The following TLE3 variants were observed in gnomAD, a reference collection of about 807,000 sequenced individuals.
The protein encoded by TLE3 is transducin-like enhancer protein 3.
TLE3 carries 14 observed loss-of-function variants against 93.0 expected under a neutral mutation model. That is an observed-to-expected ratio of 0.15 (90% CI 0.10 to 0.24). The LOEUF is 0.24. Ranked by LOEUF, TLE3 falls within the 10% of genes least tolerant of loss-of-function variation. TLE3 has a pLI of 1.00. For synonymous variants in TLE3, 451 were observed against 425.0 expected (o/e 1.06, Z -0.75); for missense variants, 693 against 1,046.6 (o/e 0.66, Z 4.66).
chr15:70,057,926 A>G (rs2056190993), intron 12 of TLE3: 1 of 750,724 alleles, frequency 1.3e-6, no homozygotes, highest in Non-Finnish European at 2.1e-6. Context: ...AGGGGTGGGA[A>G]CAGATTTTGG....
chr15:70,069,635 C>T (rs1002839440), intron 6 of TLE3, among the ~76,000 whole-genome samples: 22 of 152,332 alleles, frequency 1.4e-4, no homozygotes, highest in African/African-American at 5.1e-4. Context: ...CAGCAAGGAC[C>T]GGTCCAGCAG....
chr15:70,050,072 T>C lies in TLE3; in HGVS notation c.*25A>G. 6.2e-7 allele frequency: 1 copy of C among 1,600,442 alleles called. No homozygotes were observed. Among genetic ancestry groups the C allele is most frequent in the Non-Finnish European group, 8.6e-7 (1 of 1,167,716 alleles). On this transcript the variant is annotated 3_prime_UTR_variant, in exon 20 of 20. Transcript: ENST00000451782. ...GAGCCGAGTCGGTTTCTCCCAGAGTTTGACAGCCCTGCTGGAGTTCTTGTT... is the reference window on the plus strand; with the variant it reads ...GAGCCGAGTCGGTTTCTCCCAGAGTCTGACAGCCCTGCTGGAGTTCTTGTT...
chr15:70,089,593 T>A (rs1275981322), intron 4 of TLE3, among the ~76,000 whole-genome samples: 2 of 152,140 alleles, frequency 1.3e-5, no homozygotes, highest in African/African-American at 2.4e-5. Flanking sequence ...AAAACCAAGA[T>A]GTTTACTGAG....
Position 70,058,064 on chromosome 15 carries a change from C to T in TLE3, c.1051+95G>A. ...GGCCCTGGGAGACACTGCCTGTGCT[C>T]TATCCCATGCGTGTGTGTCACCCCT... On this transcript the variant is annotated intron_variant, in intron 12 of 19. Transcript: ENST00000451782. The surrounding 1 kb of genome is among the most constrained non-coding windows in gnomAD (Gnocchi z 4.1). 4 of 1,574,520 alleles carry T rather than the reference C, an allele frequency of 2.5e-6. No individual in the cohort carries two copies. Among genetic ancestry groups the T allele is most frequent in the Non-Finnish European group, 1.7e-6 (2 of 1,156,240 alleles).
chr15:70,090,345 A>G (rs572494393), intron 4 of TLE3, among the ~76,000 whole-genome samples: 1 of 152,326 alleles, frequency 6.6e-6, no homozygotes, highest in Non-Finnish European at 1.5e-5. Context: ...AAAAGAAAAA[A>G]AAAATTTCAC....
chr15:70,078,181 CA>C (rs1364099160), intron 4 of TLE3, among the ~76,000 whole-genome samples: 4 of 152,174 alleles, frequency 2.6e-5, no homozygotes, highest in Admixed American at 6.5e-5. Flanking sequence ...CTCTCCCAAA[CA>C]GGGTCCTTCC....
intron 4 of TLE3, among the ~76,000 whole-genome samples, chr15:70,085,875 C>A (rs1329756309): frequency 1.3e-5 from 2 of 152,364 alleles, no homozygotes; most frequent in Non-Finnish European, 2.9e-5. Flanking sequence ...TTCTTCCTGT[C>A]TTTCCCCAGG....
At chr15:70,064,826 G>GT (rs1413835625) in intron 7 of TLE3, among the ~76,000 whole-genome samples, 2 of 151,694 alleles carry the variant, frequency 1.3e-5, no homozygotes, top group Non-Finnish European at 2.9e-5. Context: ...GCAGGCTAGG[G>GT]GTCTTAAGAT....
chr15:70,056,407 C>T, intron 13 of TLE3, 33 bp from the exon 14 acceptor site: 1 of 1,597,230 alleles, frequency 6.3e-7, no homozygotes, highest in Non-Finnish European at 8.6e-7. Context: ...CCTCCATCAG[C>T]CGTGCTGCCA....
At chr15:70,051,241 A>T (rs1050703132) in intron 19 of TLE3, 150 bp downstream of exon 19, 1 of 677,692 alleles carries the variant, frequency 1.5e-6, no homozygotes, top group African/African-American at 1.9e-5. Flanking sequence ...TTGCTCCCCT[A>T]TCAGGTAGGG....
At chr15:70,062,438 G>A (rs114828261) in intron 8 of TLE3, among the ~76,000 whole-genome samples, 230 of 152,282 alleles carry the variant, frequency 1.5e-3, no homozygotes, top group African/African-American at 5.3e-3. Flanking sequence ...TGCTCGGCTC[G>A]GGAGAACAGC....
Position 70,054,427 on chromosome 15 carries a change from T to C in TLE3, c.1826+11A>G, listed in dbSNP as rs1354497375. 1.9e-6 allele frequency: 3 copies of C among 1,608,750 alleles called. No homozygotes were observed. Among genetic ancestry groups the C allele is most frequent in the Admixed American group, 1.7e-5 (1 of 59,848 alleles). On this transcript the variant is annotated intron_variant, in intron 16 of 19. Transcript: ENST00000451782. Reference sequence around the variant, plus strand: ...AGGACGAGGCACTAATGCTCCCTCCTGCCGGCTCACCTGACCAGGGTCTGG... The same window carrying C: ...AGGACGAGGCACTAATGCTCCCTCCCGCCGGCTCACCTGACCAGGGTCTGG...
chr15:70,076,040 C>T (rs1201080975), intron 5 of TLE3, 56 bp downstream of exon 5: 6 of 1,548,062 alleles, frequency 3.9e-6, no homozygotes, highest in Non-Finnish European at 5.3e-6. Flanking sequence ...TGAGACCCCA[C>T]CAGCCACTGG....
chr15:70,093,894 G>A (rs2058425763), intron 4 of TLE3, among the ~76,000 whole-genome samples: 1 of 152,224 alleles, frequency 6.6e-6, no homozygotes, highest in South Asian at 2.1e-4. Flanking sequence ...CCCTGGGCAA[G>A]TTACTTCACC....
In TLE3 at chr15:70,058,686, A is replaced by T. The variant is rs767399178; in HGVS notation, c.895T>A (p.Ser299Thr). 6.2e-7 allele frequency: 1 copy of T among 1,605,620 alleles called. No homozygotes were observed. Among genetic ancestry groups the T allele is most frequent in the South Asian group, 1.1e-5 (1 of 89,342 alleles). The change falls in exon 11 of 20, where the codon TCC becomes ACC. Residue 299 changes from serine (S) to threonine (T), a missense_variant. Ser to Thr is a moderately conservative substitution (Grantham distance 58, BLOSUM62 1). Around this residue, in one of 4 missense-constraint regions of TLE3, gnomAD observed 405 missense variants for 468.9 expected, o/e 0.86. Transcript: ENST00000451782. This position sits in a 1 kb window ranked among gnomAD's most constrained non-coding sequence, Gnocchi z 4.1. ...SVASSSSTPSSKTKDLGHNDK... is the reference protein window; with the variant it reads ...SVASSSSTPSTKTKDLGHNDK... ...ACATGACCAAGGTCTTTGGTCTTGG[A>T]GGAAGGTGTGCTACTGGAAGAGGCC...
intron 4 of TLE3, among the ~76,000 whole-genome samples, chr15:70,080,247 C>A (rs2057701445): frequency 6.6e-6 from 1 of 152,164 alleles, no homozygotes; most frequent in South Asian, 2.1e-4. Context: ...CCCACAAAGC[C>A]ACTGCTTTTG....
chr15:70,061,561 C>A (rs2056476694), intron 8 of TLE3, among the ~76,000 whole-genome samples: 1 of 152,148 alleles, frequency 6.6e-6, no homozygotes, highest in Non-Finnish European at 1.5e-5. Context: ...GTGGCTGTTA[C>A]CACCGAGCTG....
chr15:70,094,770 A>C, intron 3 of TLE3, 194 bp from the exon 4 acceptor site: 26 of 574,906 alleles, frequency 4.5e-5, no homozygotes, highest in Non-Finnish European at 4.7e-5. Context: ...CTCTCATCTC[A>C]ACAGAACGTT....
At chr15:70,073,539 C>T (rs2057290460) in intron 6 of TLE3, among the ~76,000 whole-genome samples, 1 of 152,204 alleles carries the variant, frequency 6.6e-6, no homozygotes, top group South Asian at 2.1e-4. Flanking sequence ...TCAGAATGAT[C>T]TAGAAATCGT....
Sources: allele counts gnomAD v4.1 joint callset (sites outside exome capture counted in the v4.1 genomes callset), GRCh38; gene constraint gnomAD v4.1.1; regional missense constraint gnomAD v4.1.1; non-coding constraint Gnocchi (gnomAD v3.1); transcripts MANE v1.5; gene names NCBI Gene and HGNC (gene_info 2026-07-23, HGNC 2026-07-21).